The following PRNP variants were observed in gnomAD, a reference collection of about 807,000 sequenced individuals.
The protein encoded by PRNP is prion protein (Kanno blood group).
A neutral mutation model predicts 21.3 loss-of-function variants in PRNP; 15 were observed. That is an observed-to-expected ratio of 0.71 (90% CI 0.47 to 1.09). The LOEUF is 1.09. Ranked by LOEUF, PRNP falls within the 50% of genes least tolerant of loss-of-function variation. The probability of loss-of-function intolerance (pLI) is 0.00; values close to 1 mark genes in which losing one functional copy is unlikely to be tolerated. For missense variants in PRNP, 285 were observed against 340.9 expected (o/e 0.84, Z 1.29); for synonymous variants, 121 against 123.1 (o/e 0.98, Z 0.11).
At chr20:4,690,735 T>G (rs6107515) in intron 1 of PRNP, among the ~76,000 whole-genome samples, 46,051 of 152,164 alleles carry the variant, frequency 0.3, 7,225 homozygotes, top group African/African-American at 0.36. Flanking sequence ...TAGAAAGAGA[T>G]CTTTTCCTCT....
At chr20:4,690,038 T>C (rs1381975510) in intron 1 of PRNP, among the ~76,000 whole-genome samples, 3 of 152,180 alleles carry the variant, frequency 2.0e-5, no homozygotes, top group African/African-American at 7.2e-5. Context: ...TGTTGTTTTT[T>C]AAAAGCTCCT....
At chr20:4,687,041 G>A (rs907741583) in intron 1 of PRNP, among the ~76,000 whole-genome samples, 1 of 152,062 alleles carries the variant, frequency 6.6e-6, no homozygotes, top group Non-Finnish European at 1.5e-5. Flanking sequence ...GCGATGCCCA[G>A]AGGGTGCTTG....
chr20:4,699,437 T>G lies in PRNP; in HGVS notation c.217T>G (p.Trp73Gly). 3 of 1,611,608 alleles carry G rather than the reference T, an allele frequency of 1.9e-6. No homozygotes were observed. Among genetic ancestry groups the G allele is most frequent in the Non-Finnish European group, 2.5e-6 (3 of 1,178,964 alleles). ...CTGGGGGCAGCCTCATGGTGGTGGC[T>G]GGGGGCAGCCCCATGGTGGTGGCTG... is the stretch of plus-strand genomic sequence containing the variant. The part of the protein sequence containing the change: ...GGWGQPHGGG[W>G]GQPHGGGWGQ... The change falls in exon 2 of 2, where the codon TGG becomes GGG. Residue 73 changes from tryptophan to glycine, a missense_variant. By Grantham distance (184) the Trp-to-Gly change is radical (BLOSUM62 -2). Transcript: ENST00000379440. The surrounding 1 kb of genome is among the most constrained non-coding windows in gnomAD (Gnocchi z 5.8).
At chr20:4,694,067 T>A (rs1328028067) in intron 1 of PRNP, among the ~76,000 whole-genome samples, 1 of 147,758 alleles carries the variant, frequency 6.8e-6, no homozygotes, top group Non-Finnish European at 1.5e-5. Flanking sequence ...TTGGCCTGGG[T>A]AAGACCCTGT....
chr20:4,693,900 C>G lies in PRNP; in HGVS notation c.-10-5311C>G, dbSNP rs181630553. ...TTGGTTGAGCCCAGGAATTTGAGACCAGCCTGGGCAACATGGCAAGACCCC... is the reference window on the plus strand; with the variant it reads ...TTGGTTGAGCCCAGGAATTTGAGACGAGCCTGGGCAACATGGCAAGACCCC... On this transcript the variant is annotated intron_variant, in intron 1 of 1. Transcript: ENST00000379440. Among the ~76,000 whole-genome samples, 242 of 149,134 alleles carry G rather than the reference C, an allele frequency of 1.6e-3. 1 individual carries two copies. The highest frequency in any genetic ancestry group is 2.7e-3 in the Non-Finnish European group (181 of 67,348).
Position 4,690,450 on chromosome 20 carries a change from C to T in PRNP, c.-11+3938C>T, listed in dbSNP as rs146595570. ...CATCTATAAATGGGAATAAGATGAA[C>T]GGGGTAATTTATAGATTTTTTAGTA... On this transcript the variant is annotated intron_variant, in intron 1 of 1. Transcript: ENST00000379440. 2.3e-3 allele frequency among the ~76,000 whole-genome samples: 351 copies of T among 152,258 alleles called. 2 individuals are homozygous for T. The highest frequency in any genetic ancestry group is 4.2e-3 in the Admixed American group (64 of 15,296).
At position 4,686,888 on chromosome 20, in the gene PRNP, G is replaced by A. The variant is rs1012447140; in HGVS notation, c.-11+376G>A. On this transcript the variant is annotated intron_variant, in intron 1 of 1. Transcript: ENST00000379440. The surrounding 1 kb of genome is among the most constrained non-coding windows in gnomAD (Gnocchi z 6.7). The stretch of plus-strand genomic sequence containing the variant: ...GATCGCTGGCGCCCAGGGAACTCCG[G>A]GAGGGCCGCCAGCGGGCTCCGCAGG... 6.6e-6 allele frequency among the ~76,000 whole-genome samples: 1 copy of A among 151,552 alleles called. No homozygotes were observed. Among genetic ancestry groups the A allele is most frequent in the African/African-American group, 2.4e-5 (1 of 41,338 alleles).
intron 1 of PRNP, among the ~76,000 whole-genome samples, chr20:4,690,130 T>C (rs1921732229): frequency 6.6e-6 from 1 of 152,172 alleles, no homozygotes; most frequent in Non-Finnish European, 1.5e-5. Flanking sequence ...GAGAAACCCC[T>C]ACCCCCAATT....
intron 1 of PRNP, among the ~76,000 whole-genome samples, chr20:4,689,635 C>G (rs1192334017): frequency 1.3e-5 from 2 of 152,154 alleles, no homozygotes; most frequent in Non-Finnish European, 2.9e-5. Flanking sequence ...GATCTTATTT[C>G]TTCTTCCAAG....
intron 1 of PRNP, among the ~76,000 whole-genome samples, chr20:4,687,308 G>A (rs1301507827): frequency 1.3e-5 from 2 of 152,172 alleles, no homozygotes; most frequent in Non-Finnish European, 2.9e-5. Context: ...CTCCAGGGGC[G>A]GGGAGAGAGG....
At chr20:4,687,406 C>A (rs996308680) in intron 1 of PRNP, among the ~76,000 whole-genome samples, 6 of 152,164 alleles carry the variant, frequency 3.9e-5, no homozygotes, top group African/African-American at 1.4e-4. Flanking sequence ...GGAGGGAGAA[C>A]GCTGGCCATG....
intron 1 of PRNP, among the ~76,000 whole-genome samples, chr20:4,694,280 C>G (rs1380578486): frequency 6.6e-6 from 1 of 150,866 alleles, no homozygotes; most frequent in East Asian, 2.0e-4. Context: ...ACAGGAAGAT[C>G]TCTTGAGCCC....
chr20:4,695,088 C>T (rs1922080805), intron 1 of PRNP, among the ~76,000 whole-genome samples: 1 of 152,082 alleles, frequency 6.6e-6, no homozygotes, highest in African/African-American at 2.4e-5. Context: ...TTTCTATTAA[C>T]TTTGTCCAGA....
rs973978756 is a variant in PRNP, at chr20:4,690,616, A to G, written c.-11+4104A>G. Among the ~76,000 whole-genome samples the G allele has an allele frequency of 2.0e-5, 3 of 152,180 alleles. No homozygotes were observed. In the East Asian group the frequency reaches 5.8e-4, roughly 29 times the overall value. The stretch of plus-strand genomic sequence containing the variant: ...CATTAAAAATTTTCTTCAGTCTTTT[A>G]AGTTTTGAGTATAATTTCATAATGT... On this transcript the variant is annotated intron_variant, in intron 1 of 1. Coordinates refer to ENST00000379440, the MANE Select transcript of PRNP (RefSeq NM_000311.5).
intron 1 of PRNP, among the ~76,000 whole-genome samples, chr20:4,691,052 G>A (rs1388484516): frequency 6.6e-6 from 1 of 152,132 alleles, no homozygotes; most frequent in Non-Finnish European, 1.5e-5. Context: ...TAAAAAGAAA[G>A]TGCCATTTAC....
intron 1 of PRNP, among the ~76,000 whole-genome samples, chr20:4,693,817 T>C (rs1259237101): frequency 6.6e-6 from 1 of 151,900 alleles, no homozygotes; most frequent in Non-Finnish European, 1.5e-5. Flanking sequence ...GGGTCACCTA[T>C]ATATAGCTGT....
chr20:4,694,753 G>A (rs968307601), intron 1 of PRNP, among the ~76,000 whole-genome samples: 14 of 151,868 alleles, frequency 9.2e-5, no homozygotes, highest in Non-Finnish European at 4.4e-5. Context: ...CTATTCAGTT[G>A]TATTATCCAT....
chr20:4,698,753 T>C lies in PRNP; in HGVS notation c.-10-458T>C, dbSNP rs545497496. On this transcript the variant is annotated intron_variant, in intron 1 of 1. Coordinates refer to ENST00000379440, the MANE Select transcript of PRNP (RefSeq NM_000311.5). ...ATTTGACCTAGGGTACAGCAGGTAC[T>C]GTTTAGCAATCATTTTACTATTGTC... is the stretch of plus-strand genomic sequence containing the variant. Among the ~76,000 whole-genome samples the C allele has an allele frequency of 1.5e-4, 23 of 152,340 alleles. 1 individual carries two copies. Among genetic ancestry groups the C allele is most frequent in the African/African-American group, 5.5e-4 (23 of 41,582 alleles).
At chr20:4,691,968 A>G (rs1165360518) in intron 1 of PRNP, among the ~76,000 whole-genome samples, 3 of 152,146 alleles carry the variant, frequency 2.0e-5, no homozygotes, top group Admixed American at 6.5e-5. Context: ...GTCTGTTTGG[A>G]TCCATTTGGT....
Sources: allele counts gnomAD v4.1 joint callset (sites outside exome capture counted in the v4.1 genomes callset), GRCh38; gene constraint gnomAD v4.1.1; non-coding constraint Gnocchi (gnomAD v3.1); transcripts MANE v1.5; gene names NCBI Gene and HGNC (gene_info 2026-07-23, HGNC 2026-07-21).